KMT2C: variants seen among roughly 807,000 people sequenced by gnomAD.
The protein encoded by KMT2C is lysine methyltransferase 2C, also known as histone-lysine N-methyltransferase 2C.
A neutral mutation model predicts 507.9 loss-of-function variants in KMT2C; 88 were observed. The ratio of observed to expected loss-of-function variants is 0.17; its 90% confidence interval spans 0.15 to 0.21. The LOEUF is 0.21. Ranked by LOEUF, KMT2C falls within the 10% of genes least tolerant of loss-of-function variation. The pLI is 1.00. For missense variants in KMT2C, 4,954 were observed against 5,957.8 expected, an observed-to-expected ratio of 0.83 and a Z score of 5.55; for synonymous variants, 2,049 against 2,080.8, an observed-to-expected ratio of 0.98 and a Z score of 0.42.
At chr7:152,212,026 C>T (rs1399622594) in intron 23 of KMT2C, among the ~76,000 whole-genome samples, 1 of 151,668 alleles carries the variant, frequency 6.6e-6, no homozygotes, top group Non-Finnish European at 1.5e-5. Context: ...CCAGCCTGGG[C>T]GACAAAGCAA....
At chr7:152,386,481 TGGCATATGGC>T (rs1462848763) in intron 1 of KMT2C, among the ~76,000 whole-genome samples, 1 of 152,312 alleles carries the variant, frequency 6.6e-6, no homozygotes, top group Non-Finnish European at 1.5e-5. Flanking sequence ...CTTTTCCTCC[TGGCATATGGC>T]TAAACTACAT....
chr7:152,431,415 G>A (rs2097861419), intron 1 of KMT2C, among the ~76,000 whole-genome samples: 1 of 151,868 alleles, frequency 6.6e-6, no homozygotes, highest in African/African-American at 2.4e-5. Flanking sequence ...TGGCTAACAG[G>A]GTGAAACCCC....
intron 2 of KMT2C, among the ~76,000 whole-genome samples, chr7:152,358,107 ACATACAGC>A (rs2097167145): frequency 1.3e-5 from 2 of 152,336 alleles, no homozygotes; most frequent in South Asian, 4.1e-4. Flanking sequence ...CAGATGCACA[ACATACAGC>A]AGCTTATTTA....
chr7:152,305,659 TTATTC>T (rs2096610046), intron 6 of KMT2C, among the ~76,000 whole-genome samples: 2 of 152,106 alleles, frequency 1.3e-5, no homozygotes, highest in Admixed American at 1.3e-4. Context: ...ACTCGTGTAC[TTATTC>T]TATGGATGAA....
At chr7:152,329,287 A>T (rs2096858427) in intron 3 of KMT2C, among the ~76,000 whole-genome samples, 1 of 152,190 alleles carries the variant, frequency 6.6e-6, no homozygotes. Context: ...GAGAGAGGTC[A>T]GGTGCAGTGG....
At chr7:152,236,531 T>C (rs1387349934) in intron 15 of KMT2C, among the ~76,000 whole-genome samples, 4 of 152,200 alleles carry the variant, frequency 2.6e-5, no homozygotes, top group Non-Finnish European at 5.9e-5. Context: ...TATTCTGTAC[T>C]GCTACATCAG....
In KMT2C at chr7:152,201,617, G is replaced by GAAAAAAAAAAAAAAAAAAAA. The variant is rs745427209; in HGVS notation, c.4092+1297_4092+1316dup. ...CCCAGGAGAAAACAACAACAAAGAT[G>GAAAAAAAAAAAAAAAAAAAA]AAAAAAAAAAAAAAAAAAAAAAAAA... On this transcript the variant is annotated intron_variant, in intron 26 of 58. Coordinates refer to ENST00000262189, the MANE Select transcript of KMT2C (RefSeq NM_170606.3). Among the ~76,000 whole-genome samples, 13 of 22,906 alleles carry GAAAAAAAAAAAAAAAAAAAA rather than the reference G, an allele frequency of 5.7e-4. 1 individual carries two copies. Among genetic ancestry groups the GAAAAAAAAAAAAAAAAAAAA allele is most frequent in the Non-Finnish European group, 9.5e-4 (5 of 5,274 alleles). 15.0% of individuals were successfully genotyped at this position (22,906 alleles called of 152,430 possible).
At chr7:152,312,692 A>G (rs1335975142) in intron 4 of KMT2C, among the ~76,000 whole-genome samples, 2 of 152,220 alleles carry the variant, frequency 1.3e-5, no homozygotes, top group African/African-American at 4.8e-5. Flanking sequence ...CATATGGGAG[A>G]TTTCAGGCTT....
intron 1 of KMT2C, among the ~76,000 whole-genome samples, chr7:152,391,820 CTG>C (rs1339803532): frequency 3.3e-5 from 5 of 152,106 alleles, no homozygotes; most frequent in African/African-American, 1.2e-4. Context: ...CTTGTTTTTC[CTG>C]TCTTTGTAAC....
At chr7:152,158,764 C>A in intron 44 of KMT2C, 99 bp downstream of exon 44, 1 of 1,091,314 alleles carries the variant, frequency 9.2e-7, no homozygotes, top group South Asian at 1.3e-5. Context: ...ATCCACCTGC[C>A]TCAGCCTCCC....
rs769721238 is a variant in KMT2C at position 152,181,130 on chromosome 7, T to C, written c.6730A>G (p.Met2244Val). ...TGCAGGAAAGGATCCTGATTTGGCA[T>C]GAGGACTGGTCTTGTCATTGAGGAC... Reference protein sequence around the residue: ...TRSSMTRPVLMPNQDPFLQAA... With the variant: ...TRSSMTRPVLVPNQDPFLQAA... The change falls in exon 36 of 59, where the codon ATG becomes GTG. Residue 2244 changes from methionine (M) to valine (V), a missense_variant. This residue lies in a region of KMT2C where 1,689 missense variants were observed against 1,654.3 expected (regional missense o/e 1.02). Coordinates refer to ENST00000262189, the MANE Select transcript of KMT2C (RefSeq NM_170606.3). 6.2e-7 allele frequency: 1 copy of C among 1,614,186 alleles called. No individual in the cohort carries two copies. Among genetic ancestry groups the C allele is most frequent in the Admixed American group, 1.7e-5 (1 of 60,022 alleles).
At chr7:152,272,078 T>A (rs1164820493) in intron 7 of KMT2C, among the ~76,000 whole-genome samples, 1 of 152,196 alleles carries the variant, frequency 6.6e-6, no homozygotes, top group Non-Finnish European at 1.5e-5. Flanking sequence ...TTTTATCCTA[T>A]TGCTCATGTA....
Position 152,180,831 on chromosome 7 carries a change from G to A in KMT2C, c.7029C>T (p.His2343=), listed in dbSNP as rs148341170. Residue 2343 remains histidine, a synonymous_variant, in exon 36 of 59, where the codon CAC becomes CAT. Transcript: ENST00000262189. ...SFCASSNSPM[H]SQGQQFSGVS... Reference sequence around the variant, plus strand: ...CACCAGAGAACTGCTGGCCTTGGGAGTGCATTGGAGAGTTTGAAGATGCAC... The same window carrying A: ...CACCAGAGAACTGCTGGCCTTGGGAATGCATTGGAGAGTTTGAAGATGCAC... 63 of 1,614,202 alleles carry A rather than the reference G, an allele frequency of 3.9e-5. No homozygotes were observed. In the African/African-American group the frequency reaches 5.5e-4, roughly 14 times the overall value.
intron 1 of KMT2C, among the ~76,000 whole-genome samples, 156 bp from the exon 2 acceptor site, chr7:152,358,831 A>C (rs190867568): frequency 1.4e-4 from 22 of 152,332 alleles, no homozygotes; most frequent in African/African-American, 4.6e-4. Context: ...AAAATATCAG[A>C]GTTTACAGTC....
intron 9 of KMT2C, among the ~76,000 whole-genome samples, chr7:152,257,665 G>A (rs1352782489): frequency 6.6e-6 from 1 of 152,114 alleles, no homozygotes; most frequent in Non-Finnish European, 1.5e-5. Context: ...CAGTGGAGAA[G>A]GACAAGAACT....
intron 1 of KMT2C, among the ~76,000 whole-genome samples, chr7:152,362,355 C>T (rs909747589): frequency 6.6e-6 from 1 of 151,354 alleles, no homozygotes; most frequent in Non-Finnish European, 1.5e-5. Flanking sequence ...GCAGAGTCAG[C>T]GGTAGGGGGT....
chr7:152,256,669 G>A (rs966387391), intron 9 of KMT2C, among the ~76,000 whole-genome samples: 2 of 152,094 alleles, frequency 1.3e-5, no homozygotes, highest in African/African-American at 4.8e-5. Flanking sequence ...TTAAATTTAG[G>A]GGAAAATGCC....
intron 1 of KMT2C, among the ~76,000 whole-genome samples, chr7:152,375,878 G>A (rs898431549): frequency 2.6e-5 from 4 of 152,168 alleles, no homozygotes; most frequent in Non-Finnish European, 4.4e-5. Context: ...CCAGGCTGGA[G>A]TGCAGTGGCA....
At chr7:152,143,963 G>A (rs1458541352) in intron 55 of KMT2C, among the ~76,000 whole-genome samples, 3 of 152,202 alleles carry the variant, frequency 2.0e-5, no homozygotes, top group Non-Finnish European at 4.4e-5. Context: ...GATAGGGCTG[G>A]TAAACCTAAG....
Sources: allele counts gnomAD v4.1 joint callset (sites outside exome capture counted in the v4.1 genomes callset), GRCh38; gene constraint gnomAD v4.1.1; regional missense constraint gnomAD v4.1.1; transcripts MANE v1.5; gene names NCBI Gene and HGNC (gene_info 2026-07-23, HGNC 2026-07-21).